Variants in LEKR1 observed in about 807,000 individuals in gnomAD.
LEKR1 encodes leucine, glutamate and lysine rich 1.
A neutral mutation model predicts 72.4 loss-of-function variants in LEKR1; 59 were observed. The observed-to-expected ratio is 0.82, with a 90% CI of 0.66 to 1.01. LEKR1 has a LOEUF of 1.01. Ranked by LOEUF, LEKR1 falls within the 50% of genes least tolerant of loss-of-function variation. The pLI, the probability that LEKR1 is intolerant of heterozygous loss-of-function variation, is 0.00. For synonymous variants in LEKR1, 257 were observed against 263.2 expected, an observed-to-expected ratio of 0.98 and a Z score of 0.23; for missense variants, 728 against 759.2, an observed-to-expected ratio of 0.96 and a Z score of 0.48.
intron 6 of LEKR1, among the ~76,000 whole-genome samples, chr3:156,961,315 A>G (rs1274768495): frequency 6.6e-6 from 1 of 152,238 alleles, no homozygotes; most frequent in Non-Finnish European, 1.5e-5. Flanking sequence ...CTTTAAGTGT[A>G]CAATTCAGTG....
chr3:156,959,964 C>G (rs1288534267), intron 6 of LEKR1, among the ~76,000 whole-genome samples: 1 of 152,014 alleles, frequency 6.6e-6, no homozygotes, highest in African/African-American at 2.4e-5. Context: ...ATGTTCCCTA[C>G]CAATGTGGTA....
rs1730293735 is a variant in LEKR1, at chr3:156,982,598, G to A, written c.827+3323G>A. On this transcript the variant is annotated intron_variant, in intron 7 of 12. Coordinates refer to ENST00000356539, the MANE Select transcript of LEKR1 (RefSeq NM_001004316.3). ...AACTCTGATGGGCAGGAAATAAGCT[G>A]TAGTGAATGTTCAGAAGGTAACCAG... 2.6e-5 allele frequency among the ~76,000 whole-genome samples: 4 copies of A among 152,308 alleles called. No homozygotes were observed. In the South Asian group the frequency reaches 8.3e-4, roughly 32 times the overall value.
At chr3:157,011,587 G>A (rs1265027217) in intron 10 of LEKR1, 81 bp downstream of exon 10, 4 of 948,918 alleles carry the variant, frequency 4.2e-6, no homozygotes, top group Non-Finnish European at 6.7e-6. Context: ...GACTCTTCCG[G>A]ATAGATTTAT....
At chr3:157,030,158 G>A (rs1734498757) in intron 12 of LEKR1, among the ~76,000 whole-genome samples, 2 of 152,198 alleles carry the variant, frequency 1.3e-5, no homozygotes, top group South Asian at 2.1e-4. Context: ...GTGGGGGGAG[G>A]TGCCACATTA....
chr3:157,034,617 T>A (rs531551567), intron 12 of LEKR1, among the ~76,000 whole-genome samples: 20 of 152,170 alleles, frequency 1.3e-4, no homozygotes, highest in Non-Finnish European at 2.1e-4. Context: ...AATATTGAAA[T>A]TACAACAAAG....
chr3:156,958,194 C>G (rs1436064323), intron 6 of LEKR1, among the ~76,000 whole-genome samples: 1 of 152,068 alleles, frequency 6.6e-6, no homozygotes, highest in Non-Finnish European at 1.5e-5. Context: ...AACAATCTTA[C>G]TCATTCTCAT....
chr3:156,946,029 A>G (rs1337819865), intron 6 of LEKR1, among the ~76,000 whole-genome samples: 1 of 151,662 alleles, frequency 6.6e-6, no homozygotes, highest in Non-Finnish European at 1.5e-5. Context: ...GTATCTGTAG[A>G]TTGCTTTGGG....
At chr3:156,877,954 T>C (rs1718809430) in intron 3 of LEKR1, among the ~76,000 whole-genome samples, 2 of 152,208 alleles carry the variant, frequency 1.3e-5, no homozygotes, top group Non-Finnish European at 2.9e-5. Context: ...GGCTAATTTT[T>C]GTATTTTTGG....
At chr3:156,985,206 C>CA (rs1301821734) in intron 7 of LEKR1, among the ~76,000 whole-genome samples, 1 of 152,070 alleles carries the variant, frequency 6.6e-6, no homozygotes, top group African/African-American at 2.4e-5. Context: ...ACTTTTCAGA[C>CA]AATGCTAAGT....
chr3:157,002,056 A>G (rs1281031380), intron 9 of LEKR1, among the ~76,000 whole-genome samples: 3 of 152,220 alleles, frequency 2.0e-5, no homozygotes, highest in African/African-American at 7.2e-5. Flanking sequence ...ACCTAGGAGT[A>G]CAATGAGAAC....
At chr3:156,978,138 A>T (rs571152407) in intron 6 of LEKR1, among the ~76,000 whole-genome samples, 2 of 152,336 alleles carry the variant, frequency 1.3e-5, no homozygotes, top group Admixed American at 6.5e-5. Flanking sequence ...AAATTAATGT[A>T]TGTAAAAGCA....
chr3:156,930,462 A>T (rs763087350), intron 5 of LEKR1, among the ~76,000 whole-genome samples: 5 of 152,124 alleles, frequency 3.3e-5, no homozygotes, highest in African/African-American at 1.2e-4. Flanking sequence ...GGATAAATGG[A>T]TTCATTTTGT....
At chr3:156,968,946 C>CTG (rs2107990241) in intron 6 of LEKR1, among the ~76,000 whole-genome samples, 1 of 152,284 alleles carries the variant, frequency 6.6e-6, no homozygotes, top group South Asian at 2.1e-4. Flanking sequence ...ACAGTGCAAT[C>CTG]AAACTAGAAC....
chr3:156,873,208 C>A (rs189345800), intron 3 of LEKR1, among the ~76,000 whole-genome samples: 103 of 152,008 alleles, frequency 6.8e-4, no homozygotes, highest in Non-Finnish European at 1.1e-3. Flanking sequence ...GACTTAAAGT[C>A]TGTTTTATCT....
intron 10 of LEKR1, among the ~76,000 whole-genome samples, chr3:157,018,305 G>T (rs537718806): frequency 6.6e-6 from 1 of 152,186 alleles, no homozygotes; most frequent in Non-Finnish European, 1.5e-5. Context: ...CAGATATATT[G>T]AACGATATTG....
At chr3:156,876,295 A>T (rs968695858) in intron 3 of LEKR1, among the ~76,000 whole-genome samples, 1 of 151,988 alleles carries the variant, frequency 6.6e-6, no homozygotes, top group Non-Finnish European at 1.5e-5. Flanking sequence ...TTTTGCCTAG[A>T]CTGGCTTTAG....
At chr3:157,042,765 G>C (rs1225806270) in intron 12 of LEKR1, among the ~76,000 whole-genome samples, 1 of 152,072 alleles carries the variant, frequency 6.6e-6, no homozygotes, top group Non-Finnish European at 1.5e-5. Flanking sequence ...ATTCATGTCA[G>C]TAATATGTTG....
intron 6 of LEKR1, among the ~76,000 whole-genome samples, chr3:156,953,303 T>C (rs1169429901): frequency 1.3e-5 from 2 of 151,616 alleles, no homozygotes; most frequent in Non-Finnish European, 3.0e-5. Flanking sequence ...TTAGTGCATT[T>C]GTTACAATTA....
At chr3:156,968,319 A>G (rs1237069728) in intron 6 of LEKR1, among the ~76,000 whole-genome samples, 10 of 152,206 alleles carry the variant, frequency 6.6e-5, no homozygotes, top group Admixed American at 6.5e-4. Flanking sequence ...CAATTAAAAG[A>G]CACAGACTGG....
Sources: allele counts gnomAD v4.1 joint callset (sites outside exome capture counted in the v4.1 genomes callset), GRCh38; gene constraint gnomAD v4.1.1; transcripts MANE v1.5; gene names NCBI Gene and HGNC (gene_info 2026-07-23, HGNC 2026-07-21).